OTOG: variants seen among roughly 807,000 people sequenced by gnomAD.
OTOG encodes otogelin.
OTOG carries 296 observed loss-of-function variants against 313.8 expected under a neutral mutation model. That is an observed-to-expected ratio of 0.94 (90% CI 0.86 to 1.04). The LOEUF is 1.04. Among genes scored for constraint, OTOG ranks in the 50% least tolerant of loss-of-function variants. The pLI is 0.00. For missense variants in OTOG, 3,948 were observed against 3,840.1 expected (o/e 1.03, Z -0.74); for synonymous variants, 1,533 against 1,554.9 (o/e 0.99, Z 0.33).
At chr11:17,576,735 G>T in intron 21 of OTOG, 105 bp downstream of exon 21, 1 of 1,452,526 alleles carries the variant, frequency 6.9e-7, no homozygotes, top group Non-Finnish European at 9.4e-7. Context: ...ACCCAGCCCT[G>T]CTCTGTGCAG....
rs1382246145 is a variant in OTOG, at chr11:17,557,112, C to G, written c.660-6C>G. On this transcript the variant is annotated splice_polypyrimidine_tract_variant and splice_region_variant and intron_variant, in intron 7 of 55. Transcript: ENST00000399397. ...ATACCCTGAAGCTCTGGGATGTGCC[C>G]TGCAGGGTCCAACTGCCACATGTCA... The G allele has an allele frequency of 1.2e-5, 18 of 1,548,966 alleles. No homozygotes were observed. Among genetic ancestry groups the G allele is most frequent in the Non-Finnish European group, 1.5e-5 (17 of 1,146,970 alleles).
At position 17,641,830 on chromosome 11, in the gene OTOG, C is replaced by CT; in HGVS notation, c.8191-17_8191-16insT. On this transcript the variant is annotated splice_polypyrimidine_tract_variant and intron_variant, in intron 51 of 55. Coordinates refer to ENST00000399397, the MANE Select transcript of OTOG (RefSeq NM_001292063.2). ...AGGTGGGCATCTGGCTGAGGCCCAC[C>CT]CCGCCCTGGCCTGTAGAACCAGGAG... 6.5e-7 allele frequency: 1 copy of CT among 1,538,778 alleles called. No homozygotes were observed. Among genetic ancestry groups the CT allele is most frequent in the Middle Eastern group, 1.7e-4 (1 of 5,960 alleles).
At chr11:17,587,603 G>T (rs143730232) in intron 24 of OTOG, among the ~76,000 whole-genome samples, 99 of 152,276 alleles carry the variant, frequency 6.5e-4, no homozygotes, top group African/African-American at 2.3e-3. Flanking sequence ...TGGCCTAGAG[G>T]AAGGCCATAG....
chr11:17,623,323 G>A (rs1164405659), intron 39 of OTOG, among the ~76,000 whole-genome samples: 2 of 152,092 alleles, frequency 1.3e-5, no homozygotes, highest in Non-Finnish European at 2.9e-5. Flanking sequence ...GTACACCCCA[G>A]TATCTGTTGT....
At chr11:17,634,671 C>G (rs1055870421) in intron 44 of OTOG, among the ~76,000 whole-genome samples, 173 bp from the exon 45 acceptor site, 4 of 152,126 alleles carry the variant, frequency 2.6e-5, no homozygotes, top group South Asian at 2.1e-4. Flanking sequence ...CTGTCCCAGC[C>G]CTGAACCCTC....
At chr11:17,614,931 C>T (rs1853685725) in intron 39 of OTOG, among the ~76,000 whole-genome samples, 1 of 152,202 alleles carries the variant, frequency 6.6e-6, no homozygotes, top group African/African-American at 2.4e-5. Context: ...TTTAGCTTTA[C>T]AATACTTGCC....
At chr11:17,634,029 C>A in intron 43 of OTOG, 40 bp from the exon 44 acceptor site, 1 of 1,525,280 alleles carries the variant, frequency 6.6e-7, no homozygotes, top group Non-Finnish European at 8.8e-7. Context: ...TCTGGGCTCA[C>A]CTTCCTCAGT....
Position 17,586,523 on chromosome 11 carries a change from A to C in OTOG, c.2809A>C (p.Thr937Pro). 6.9e-7 allele frequency: 1 copy of C among 1,455,592 alleles called. No homozygotes were observed. Among genetic ancestry groups the C allele is most frequent in the Non-Finnish European group, 9.1e-7 (1 of 1,099,426 alleles). The allele number at this position is 1,455,592 out of a possible 1,614,324, so 90.2% of individuals were successfully genotyped here. The change falls in exon 24 of 56, where the codon ACT (threonine) becomes CCT (proline). Residue 937 changes from threonine to proline, a missense_variant. By Grantham distance (38) the Thr-to-Pro change is conservative (BLOSUM62 -1). Coordinates refer to ENST00000399397, the MANE Select transcript of OTOG (RefSeq NM_001292063.2). The stretch of plus-strand genomic sequence containing the variant: ...TTTCCTGCCAGAGGAGTGCCCCTGC[A>C]CTTGGAAGGGGAAGGAGTATTTCCC... ...ACFLPEECPC[T>P]WKGKEYFPGD...
At chr11:17,629,503 A>G (rs1432837687) in intron 40 of OTOG, among the ~76,000 whole-genome samples, 187 bp downstream of exon 40, 1 of 152,204 alleles carries the variant, frequency 6.6e-6, no homozygotes, top group Non-Finnish European at 1.5e-5. Context: ...GTAGGGAGAT[A>G]GTAGAGGGCT....
intron 32 of OTOG, among the ~76,000 whole-genome samples, chr11:17,604,378 C>T (rs1486364006): frequency 6.6e-6 from 1 of 152,196 alleles, no homozygotes; most frequent in African/African-American, 2.4e-5. Flanking sequence ...TGAGGTCACG[C>T]ATCCAGTGGA....
At chr11:17,611,450 A>T in intron 36 of OTOG, 27 bp downstream of exon 36, 1 of 1,487,726 alleles carries the variant, frequency 6.7e-7, no homozygotes, top group Non-Finnish European at 9.0e-7. Flanking sequence ...GGTTCTGGCC[A>T]CCCGTATGTG....
chr11:17,553,089 T>G, intron 4 of OTOG, 30 bp from the exon 5 acceptor site: 1 of 1,547,168 alleles, frequency 6.5e-7, no homozygotes, highest in Middle Eastern at 1.7e-4. Context: ...CTCAGCTTGA[T>G]GGGGCAATGA....
chr11:17,640,111 G>A (rs1359392448), intron 49 of OTOG, among the ~76,000 whole-genome samples: 5 of 152,138 alleles, frequency 3.3e-5, no homozygotes, highest in Non-Finnish European at 5.9e-5. Flanking sequence ...CAATCATGAC[G>A]GTAGCTAATG....
intron 15 of OTOG, among the ~76,000 whole-genome samples, chr11:17,563,861 T>TC (rs1352888574): frequency 6.8e-6 from 1 of 147,816 alleles, no homozygotes; most frequent in East Asian, 1.9e-4. Context: ...TTGGTTTTTT[T>TC]TTTTTTTTTT....
Position 17,631,659 on chromosome 11 carries a change from G to A in OTOG, c.6713-43G>A, listed in dbSNP as rs919955364. 6.0e-5 allele frequency: 88 copies of A among 1,460,858 alleles called. No homozygotes were observed. In the African/African-American group the frequency reaches 1.2e-3, roughly 20 times the overall value. 90.5% of individuals were successfully genotyped at this position (1,460,858 alleles called of 1,614,324 possible). On this transcript the variant is annotated intron_variant, in intron 40 of 55. Coordinates refer to ENST00000399397, the MANE Select transcript of OTOG (RefSeq NM_001292063.2). ...AGTGAGAGCTGACGACATGGGAGTG[G>A]TAGTGATGATCGTGGCTGTTGGGAT...
Position 17,634,851 on chromosome 11 carries a change from C to A in OTOG, c.7488C>A (p.Asn2496Lys), listed in dbSNP as rs762129339. The A allele has an allele frequency of 6.5e-7, 1 of 1,549,400 alleles. No homozygotes were observed. The highest frequency in any genetic ancestry group is 1.4e-5 in the African/African-American group (1 of 72,960). The change falls in exon 45 of 56, where the codon AAC (asparagine) becomes AAA (lysine). Residue 2496 changes from asparagine (N) to lysine (K), a missense_variant. Coordinates refer to ENST00000399397, the MANE Select transcript of OTOG (RefSeq NM_001292063.2). The stretch of plus-strand genomic sequence containing the variant: ...TGTGGTCCCCGGGGCCAGTGTGTAA[C>A]CAGACTCTGTGTGAGGGTCTCGCCC... ...PCCLGTVCVC[N>K]QTLCEGLAPT...
chr11:17,557,714 C>T (rs184485222), intron 8 of OTOG, among the ~76,000 whole-genome samples: 23 of 149,068 alleles, frequency 1.5e-4, no homozygotes, highest in Non-Finnish European at 2.7e-4. Context: ...GTGAGTGAAG[C>T]GTTCAGGGCC....
Position 17,612,177 on chromosome 11 carries a change from G to T in OTOG, c.6139G>T (p.Asp2047Tyr). Residue 2047 changes from aspartate to tyrosine, a missense_variant, in exon 37 of 56, where the codon GAC becomes TAC. By Grantham distance (160) the Asp-to-Tyr change is radical (BLOSUM62 -3). Coordinates refer to ENST00000399397, the MANE Select transcript of OTOG (RefSeq NM_001292063.2). ...CTGTACCCAGCCAATCGCCGAGCAG[G>T]ACTGCGTCCGCCACATCTGCCTGGA... ...STTCVPIAEQ[D>Y]CVRHICLEGQ... The T allele has an allele frequency of 2.6e-6, 4 of 1,549,546 alleles. No individual in the cohort carries two copies. Among genetic ancestry groups the T allele is most frequent in the Non-Finnish European group, 3.5e-6 (4 of 1,146,966 alleles).
chr11:17,612,269 G>A lies in OTOG; in HGVS notation c.6231G>A (p.Gly2077=). ...AGGGTGCTGCTCCCCCTCGCTGTGG[G>A]ATCCTGGGCCTCGCCGTGCGGGTGG... is the stretch of plus-strand genomic sequence containing the variant. ...CPQGAAPPRC[G]ILGLAVRVGG... The change falls in exon 37 of 56, where the codon GGG becomes GGA. Residue 2077 remains glycine (G), a synonymous_variant. Coordinates refer to ENST00000399397, the MANE Select transcript of OTOG (RefSeq NM_001292063.2). The A allele has an allele frequency of 6.5e-7, 1 of 1,545,606 alleles. No homozygotes were observed.
Sources: gnomAD v4.1 joint callset for allele counts (sites outside exome capture counted in the v4.1 genomes callset) on GRCh38, gnomAD v4.1.1 for gene constraint, MANE v1.5 for transcripts, NCBI Gene and HGNC (gene_info 2026-07-23, HGNC 2026-07-21) for gene names.